The following FAM81A variants were observed in gnomAD, a reference collection of about 807,000 sequenced individuals.
The protein encoded by FAM81A is family with sequence similarity 81 member A.
A neutral mutation model predicts 46.7 loss-of-function variants in FAM81A; 19 were observed. That is an observed-to-expected ratio of 0.41 (90% CI 0.28 to 0.60). FAM81A has a LOEUF of 0.60. Among genes scored for constraint, FAM81A ranks in the 20% least tolerant of loss-of-function variants. The pLI, the probability that FAM81A is intolerant of heterozygous loss-of-function variation, is 0.34. For synonymous variants in FAM81A, 183 were observed against 152.9 expected (o/e 1.20, Z -1.45); for missense variants, 377 against 453.5 (o/e 0.83, Z 1.53).
intron 3 of FAM81A, among the ~76,000 whole-genome samples, chr15:59,485,031 C>T (rs1306258161): frequency 6.6e-6 from 1 of 152,066 alleles, no homozygotes; most frequent in African/African-American, 2.4e-5. Context: ...GACTCCTCAC[C>T]CTGGGGAAAG....
intron 3 of FAM81A, among the ~76,000 whole-genome samples, chr15:59,476,409 C>T (rs1260363959): frequency 2.6e-5 from 4 of 152,000 alleles, no homozygotes; most frequent in Admixed American, 6.6e-5. Context: ...TTTTGGAGGA[C>T]ACAAACATTC....
At chr15:59,435,017 G>C (rs751072839), upstream of FAM81A, among the ~76,000 whole-genome samples, 2 of 152,208 alleles carry the variant, frequency 1.3e-5, no homozygotes, top group Non-Finnish European at 2.9e-5. Context: ...AGCCGGGCTT[G>C]GTGGCTTATG....
chr15:59,415,407 C>T (rs1407013246), intron 2 of FAM81A, among the ~76,000 whole-genome samples: 1 of 152,120 alleles, frequency 6.6e-6, no homozygotes, highest in African/African-American at 2.4e-5. Flanking sequence ...CGTGAGCCAC[C>T]GCACCCAGCA....
chr15:59,433,519 T>C (rs1435164691), upstream of FAM81A, among the ~76,000 whole-genome samples: 1 of 152,180 alleles, frequency 6.6e-6, no homozygotes, highest in Non-Finnish European at 1.5e-5. Flanking sequence ...TAGCCACCAA[T>C]GAATTCATAA....
At chr15:59,431,484 T>TC (rs2081219728) in intron 2 of FAM81A, among the ~76,000 whole-genome samples, 1 of 151,850 alleles carries the variant, frequency 6.6e-6, no homozygotes, top group South Asian at 2.1e-4. Context: ...CCGCCTGCCT[T>TC]GGCCTCCCAC....
In FAM81A at chr15:59,460,298, G is replaced by A; in HGVS notation, c.294+92G>A. The A allele has an allele frequency of 3.3e-6, 5 of 1,509,008 alleles. No individual in the cohort carries two copies. The highest frequency in any genetic ancestry group is 4.6e-6 in the Non-Finnish European group (5 of 1,087,782). The allele number at this position is 1,509,008 out of a possible 1,614,324, so 93.5% of individuals were successfully genotyped here. ...CCCACATCTAACTCCTACCTCCCAG[G>A]CAGTACTGCATTTAGAACAAAGCTG... On this transcript the variant is annotated intron_variant, in intron 3 of 8. Coordinates refer to ENST00000288228, the MANE Select transcript of FAM81A (RefSeq NM_152450.3). The surrounding 1 kb of genome is among the most constrained non-coding windows in gnomAD (Gnocchi z 4.4).
chr15:59,441,246 T>C (rs1237850310), intron 1 of FAM81A, among the ~76,000 whole-genome samples: 1 of 152,220 alleles, frequency 6.6e-6, no homozygotes, highest in African/African-American at 2.4e-5. Context: ...CCCCAACCCT[T>C]ACTCCACCAT....
chr15:59,438,694 G>A (rs576396343), intron 1 of FAM81A: 27 of 152,322 alleles, frequency 1.8e-4, no homozygotes, highest in African/African-American at 6.5e-4. Flanking sequence ...AGAGGCTAGG[G>A]GGTCTTTGCA....
At chr15:59,459,500 A>G (rs527626009) in intron 2 of FAM81A, among the ~76,000 whole-genome samples, 5 of 151,718 alleles carry the variant, frequency 3.3e-5, no homozygotes, top group Non-Finnish European at 7.4e-5. Flanking sequence ...AATCCCTGAC[A>G]CTCCCTATTG....
chr15:59,416,902 C>T (rs1368291436), intron 2 of FAM81A, among the ~76,000 whole-genome samples: 1 of 152,034 alleles, frequency 6.6e-6, no homozygotes, highest in Non-Finnish European at 1.5e-5. Flanking sequence ...TTTTAGATGC[C>T]AACCTAAAAA....
At position 59,487,176 on chromosome 15, in the gene FAM81A, A is replaced by ATATATATATTTTATATATATAT. The variant is rs1326148717; in HGVS notation, c.295-5086_295-5085insTTTATATATATATTATATATAT. 8.2e-4 allele frequency among the ~76,000 whole-genome samples: 5 copies of ATATATATATTTTATATATATAT among 6,092 alleles called. No homozygotes were observed. The Admixed American group carries it at 8.5e-3, about 10-fold the overall frequency. The allele number at this position is 6,092 out of a possible 152,430, so 4.0% of individuals were successfully genotyped here. On this transcript the variant is annotated intron_variant, in intron 3 of 8. Coordinates refer to ENST00000288228, the MANE Select transcript of FAM81A (RefSeq NM_152450.3). Reference sequence around the variant, plus strand: ...TATAGAGTTAGCAGCACTCCTGAATATATATATATATTTTATATATATATT... The same window carrying ATATATATATTTTATATATATAT: ...TATAGAGTTAGCAGCACTCCTGAATATATATATATTTTATATATATATTATATATATATTTTATATATATATT...
At chr15:59,513,305 T>C (rs2082232683) in intron 6 of FAM81A, among the ~76,000 whole-genome samples, 1 of 152,196 alleles carries the variant, frequency 6.6e-6, no homozygotes, top group Non-Finnish European at 1.5e-5. Flanking sequence ...AGCCAGGTTC[T>C]AGTCCCAAGA....
chr15:59,398,141 G>A (rs1361458705), intron 1 of FAM81A, among the ~76,000 whole-genome samples: 1 of 152,170 alleles, frequency 6.6e-6, no homozygotes, highest in African/African-American at 2.4e-5. Flanking sequence ...TGGATAACTG[G>A]CTTTCTGGTT....
chr15:59,517,164 T>A (rs1296834068), intron 8 of FAM81A, among the ~76,000 whole-genome samples: 1 of 152,192 alleles, frequency 6.6e-6, no homozygotes, highest in Non-Finnish European at 1.5e-5. Context: ...AGGAAGCACA[T>A]ATCTTTGAGG....
intron 2 of FAM81A, among the ~76,000 whole-genome samples, chr15:59,421,793 A>G (rs1376082118): frequency 7.1e-6 from 1 of 141,816 alleles, no homozygotes; most frequent in Non-Finnish European, 1.5e-5. Context: ...CTATCTATCT[A>G]CCTACCTAAC....
At chr15:59,508,778 AC>A in intron 5 of FAM81A, 84 bp from the exon 6 acceptor site, 1 of 865,818 alleles carries the variant, frequency 1.2e-6, no homozygotes, top group East Asian at 2.6e-5. Context: ...AATGCCATTG[AC>A]TACAATATGG....
At chr15:59,417,437 G>T (rs1172697762) in intron 2 of FAM81A, among the ~76,000 whole-genome samples, 1 of 152,044 alleles carries the variant, frequency 6.6e-6, no homozygotes, top group Non-Finnish European at 1.5e-5. Context: ...TGGATGTGTT[G>T]GCTCACACCT....
At chr15:59,407,453 C>T (rs1277639166) in intron 2 of FAM81A, among the ~76,000 whole-genome samples, 2 of 152,012 alleles carry the variant, frequency 1.3e-5, no homozygotes, top group Non-Finnish European at 2.9e-5. Context: ...CGCCACCACG[C>T]CCGGGTAATT....
At chr15:59,514,616 G>A (rs770049557) in intron 7 of FAM81A, among the ~76,000 whole-genome samples, 192 bp downstream of exon 7, 10 of 152,114 alleles carry the variant, frequency 6.6e-5, no homozygotes, top group Non-Finnish European at 1.5e-4. Flanking sequence ...ACTTGTTTTG[G>A]TTAACAAAGA....
Sources: gnomAD v4.1 joint callset for allele counts (sites outside exome capture counted in the v4.1 genomes callset) on GRCh38, gnomAD v4.1.1 for gene constraint, Gnocchi (gnomAD v3.1) non-coding constraint, MANE v1.5 for transcripts, NCBI Gene and HGNC (gene_info 2026-07-23, HGNC 2026-07-21) for gene names.